Variants in TCF7L2 observed in about 807,000 individuals in gnomAD.
The protein encoded by TCF7L2 is transcription factor 7-like 2.
A neutral mutation model predicts 77.9 loss-of-function variants in TCF7L2; 23 were observed. The ratio of observed to expected loss-of-function variants is 0.30; its 90% CI spans 0.21 to 0.42. TCF7L2 has a LOEUF of 0.42. TCF7L2 is among the 10% of genes least tolerant of loss of function. TCF7L2 has a pLI of 1.00. For synonymous variants in TCF7L2, 413 were observed against 340.2 expected, an observed-to-expected ratio of 1.21 and a Z score of -2.36; for missense variants, 654 against 793.1, an observed-to-expected ratio of 0.82 and a Z score of 2.11.
chr10:113,049,188 C>A (rs970248685), intron 5 of TCF7L2, among the ~76,000 whole-genome samples: 7 of 150,958 alleles, frequency 4.6e-5, no homozygotes, highest in Middle Eastern at 3.2e-3. Flanking sequence ...ATCTCCGCTG[C>A]CCCCCCGCCC....
chr10:113,152,417 G>A lies in TCF7L2; in HGVS notation c.1246G>A (p.Gly416Ser), dbSNP rs2137180277. Residue 416 changes from glycine (G) to serine (S), a missense_variant, in exon 11 of 14, where the codon GGC becomes AGC. By Grantham distance (56) the Gly-to-Ser change is moderately conservative. Transcript: ENST00000627217. ...ACAGCTTCATATGCAACTGTACCCCGGCTGGTCCGCGCGGGATAACTATGT... is the reference window on the plus strand; with the variant it reads ...ACAGCTTCATATGCAACTGTACCCCAGCTGGTCCGCGCGGGATAACTATGT... 2.5e-6 allele frequency: 4 copies of A among 1,614,116 alleles called. No individual in the cohort carries two copies. The highest frequency in any genetic ancestry group is 3.4e-6 in the Non-Finnish European group (4 of 1,180,016).
chr10:113,151,097 G>C lies in TCF7L2; in HGVS notation c.975G>C (p.Gln325His), dbSNP rs1800219718. The change falls in exon 9 of 14, where the codon CAG becomes CAC. Residue 325 changes from glutamine (Q) to histidine (H), a missense_variant. Gln to His is a conservative substitution (Grantham distance 24, BLOSUM62 0). Transcript: ENST00000627217. The surrounding 1 kb of genome is among the most constrained non-coding windows in gnomAD (Gnocchi z 5.2). ...CAACAGTCAAACAGGAATCGTCCCA[G>C]AGTGATGTCGGCTCACTCCATAGTT... 1 of 1,614,132 alleles carries C rather than the reference G, an allele frequency of 6.2e-7. No homozygotes were observed. The highest frequency in any genetic ancestry group is 1.1e-5 in the South Asian group (1 of 91,078).
intron 4 of TCF7L2, among the ~76,000 whole-genome samples, chr10:113,002,012 G>A (rs1280529540): frequency 6.6e-6 from 1 of 152,152 alleles, no homozygotes; most frequent in African/African-American, 2.4e-5. Context: ...TTCTTCATCT[G>A]TGAAATGGCA....
intron 4 of TCF7L2, among the ~76,000 whole-genome samples, chr10:112,986,313 G>C (rs182343348): frequency 6.6e-6 from 1 of 151,982 alleles, no homozygotes; most frequent in South Asian, 2.1e-4. Context: ...AGCTTGTTTC[G>C]CTCTGAGAGT....
At chr10:113,067,691 C>A (rs963715200) in intron 5 of TCF7L2, among the ~76,000 whole-genome samples, 1 of 152,028 alleles carries the variant, frequency 6.6e-6, no homozygotes, top group African/African-American at 2.4e-5. Context: ...CCAGACAGCC[C>A]GAGTCCTTAG....
intron 5 of TCF7L2, among the ~76,000 whole-genome samples, chr10:113,130,742 C>CT (rs2066450196): frequency 6.7e-6 from 1 of 149,606 alleles, no homozygotes; most frequent in Non-Finnish European, 1.5e-5. Flanking sequence ...GTGGTGATAT[C>CT]TTTTTAAAAA....
intron 5 of TCF7L2, among the ~76,000 whole-genome samples, chr10:113,069,605 A>G (rs1368449047): frequency 2.6e-5 from 4 of 152,114 alleles, no homozygotes; most frequent in Non-Finnish European, 5.9e-5. Context: ...CATCTGAACA[A>G]CCATTGACAT....
intron 8 of TCF7L2, among the ~76,000 whole-genome samples, chr10:113,148,979 T>C (rs113351276): frequency 1.3e-5 from 2 of 152,246 alleles, no homozygotes; most frequent in African/African-American, 4.8e-5. Context: ...CACTCACACA[T>C]GCAGTGTTTT....
At chr10:113,023,133 T>G (rs975971357) in intron 4 of TCF7L2, among the ~76,000 whole-genome samples, 5 of 152,134 alleles carry the variant, frequency 3.3e-5, no homozygotes, top group African/African-American at 1.2e-4. Context: ...AAAGGCATAG[T>G]GTGAAGTGCC....
chr10:113,157,679 C>G (rs866686202), intron 11 of TCF7L2: 1 of 237,432 alleles, frequency 4.2e-6, no homozygotes, highest in South Asian at 6.0e-5. Context: ...TCATCCCACT[C>G]CTCTCTGAAT....
chr10:113,062,834 G>A (rs2056687196), intron 5 of TCF7L2, among the ~76,000 whole-genome samples: 1 of 152,070 alleles, frequency 6.6e-6, no homozygotes, highest in African/African-American at 2.4e-5. Flanking sequence ...ATGACTGGGG[G>A]TTTCATTTTG....
chr10:112,985,887 T>TGTGTGC (rs2041423880), intron 4 of TCF7L2, among the ~76,000 whole-genome samples: 1 of 151,910 alleles, frequency 6.6e-6, no homozygotes, highest in African/African-American at 2.4e-5. Context: ...TGTGTGTGTG[T>TGTGTGC]GTGTGCATTC....
chr10:112,975,902 A>C (rs2039330795), intron 4 of TCF7L2, among the ~76,000 whole-genome samples: 2 of 152,208 alleles, frequency 1.3e-5, no homozygotes, highest in Non-Finnish European at 2.9e-5. Context: ...TGGGGATCAA[A>C]ATCATCCCTT....
intron 12 of TCF7L2, 45 bp downstream of exon 14, chr10:113,160,037 C>CTAT: frequency 1.9e-6 from 3 of 1,547,216 alleles, no homozygotes; most frequent in Non-Finnish European, 2.7e-6. Flanking sequence ...TGCAGCTGGT[C>CTAT]TATTCGATCC....
intron 5 of TCF7L2, among the ~76,000 whole-genome samples, chr10:113,103,039 G>T (rs1343807101): frequency 6.6e-6 from 1 of 152,094 alleles, no homozygotes; most frequent in Non-Finnish European, 1.5e-5. Context: ...TCAATTTGTG[G>T]GAACCATTTT....
At chr10:113,043,548 A>T (rs11196201) in intron 5 of TCF7L2, among the ~76,000 whole-genome samples, 9,280 of 152,212 alleles carry the variant, frequency 0.061, 295 homozygotes, top group Non-Finnish European at 0.073. Flanking sequence ...CTGGGAGTTT[A>T]TACAAGGCGT....
rs2136990174 is a variant in TCF7L2 at position 113,146,060 on chromosome 10, T to C, written c.838T>C (p.Tyr280His). Residue 280 changes from tyrosine (Y) to histidine (H), a missense_variant, in exon 8 of 14, where the codon TAC becomes CAC. Physicochemically the swap from Tyr to His is moderately conservative, Grantham distance 83 (BLOSUM62 2). Around this residue, in one of 6 missense-constraint regions of TCF7L2, gnomAD observed 179 missense variants for 270.6 expected, o/e 0.66. Transcript: ENST00000627217. ...CACGACAGGAGGATTCAGACACCCC[T>C]ACCCCACAGCTCTGACCGTCAATGC... 1 of 1,390,880 alleles carries C rather than the reference T, an allele frequency of 7.2e-7. No individual in the cohort carries two copies. The highest frequency in any genetic ancestry group is 9.6e-7 in the Non-Finnish European group (1 of 1,044,306). The allele number at this position is 1,390,880 out of a possible 1,614,324, so 86.2% of individuals were successfully genotyped here.
At chr10:113,079,547 G>C (rs1279431363) in intron 5 of TCF7L2, among the ~76,000 whole-genome samples, 1 of 152,216 alleles carries the variant, frequency 6.6e-6, no homozygotes, top group African/African-American at 2.4e-5. Context: ...ACTTTACAAA[G>C]TGGGGGGAAC....
intron 5 of TCF7L2, among the ~76,000 whole-genome samples, chr10:113,134,913 C>T (rs1177021909): frequency 6.6e-6 from 1 of 152,182 alleles, no homozygotes; most frequent in Admixed American, 6.5e-5. Flanking sequence ...CACTTTCTGG[C>T]CCCATTTTGC....
Sources: allele counts gnomAD v4.1 joint callset (sites outside exome capture counted in the v4.1 genomes callset), GRCh38; gene constraint gnomAD v4.1.1; regional missense constraint gnomAD v4.1.1; non-coding constraint Gnocchi (gnomAD v3.1); transcripts MANE v1.5; gene names NCBI Gene and HGNC (gene_info 2026-07-23, HGNC 2026-07-21).